TYW1B: variants seen among roughly 807,000 people sequenced by gnomAD.
TYW1B encodes the protein tRNA-yW synthesizing protein 1 homolog B.
In TYW1B, 73 loss-of-function variants were observed where a neutral mutation model predicts 86.9. The observed-to-expected ratio is 0.84, with a 90% CI of 0.70 to 1.02. The LOEUF is 1.02. Among genes scored for constraint, TYW1B ranks in the 50% least tolerant of loss-of-function variants. TYW1B has a pLI of 0.00. For missense variants in TYW1B, 637 were observed against 827.4 expected (o/e 0.77, Z 2.82); for synonymous variants, 248 against 292.8 (o/e 0.85, Z 1.56).
At position 72,828,076 on chromosome 7, in the gene TYW1B, C is replaced by T; in HGVS notation, c.-1G>A. Reference sequence around the variant, plus strand: ...TTGCCCGCCGAGTGCCCTTACCCATCCTCCTCAGAGCCGACAGGAGACTAG... The same window carrying T: ...TTGCCCGCCGAGTGCCCTTACCCATTCTCCTCAGAGCCGACAGGAGACTAG... On this transcript the variant is annotated 5_prime_UTR_variant, in exon 1 of 14. Coordinates refer to ENST00000620995, the MANE Select transcript of TYW1B (RefSeq NM_001145440.3). 1 of 1,614,000 alleles carries T rather than the reference C, an allele frequency of 6.2e-7. No homozygotes were observed. Among genetic ancestry groups the T allele is most frequent in the Middle Eastern group, 1.6e-4 (1 of 6,062 alleles).
intron 12 of TYW1B, among the ~76,000 whole-genome samples, chr7:72,628,404 T>C (rs1481638666): frequency 1.3e-5 from 2 of 152,220 alleles, no homozygotes; most frequent in Non-Finnish European, 2.9e-5. Context: ...TTTAAAATAA[T>C]CTGGGCTAAG....
intron 11 of TYW1B, among the ~76,000 whole-genome samples, chr7:72,661,028 G>A (rs1283603225): frequency 1.3e-5 from 2 of 150,440 alleles, no homozygotes; most frequent in Non-Finnish European, 3.0e-5. Flanking sequence ...CCAGCTATTC[G>A]GGAGGCTGAG....
intron 12 of TYW1B, among the ~76,000 whole-genome samples, chr7:72,617,616 C>T (rs1410308713): frequency 1.3e-5 from 2 of 152,208 alleles, no homozygotes; most frequent in East Asian, 1.9e-4. Context: ...ATCTACCTGC[C>T]CCGGCCTCCC....
At chr7:72,810,858 C>G (rs1312832816) in intron 3 of TYW1B, among the ~76,000 whole-genome samples, 193 bp from the exon 4 acceptor site, 6 of 152,018 alleles carry the variant, frequency 3.9e-5, no homozygotes, top group African/African-American at 1.4e-4. Flanking sequence ...AAAACCCAGT[C>G]CCTTGCTCCT....
rs185570192 is a variant in TYW1B at position 72,690,433 on chromosome 7, A to G, written c.1506+4254T>C. 4.7e-3 allele frequency among the ~76,000 whole-genome samples: 713 copies of G among 152,360 alleles called. 3 individuals carry two copies. The highest frequency in any genetic ancestry group is 7.2e-3 in the Non-Finnish European group (490 of 68,026). On this transcript the variant is annotated intron_variant, in intron 11 of 13. Transcript: ENST00000620995. ...CAAGTACCAATATATTTCTCTCCTC[A>G]TATTGAAAAGGAACATTTTGACAAA...
chr7:72,612,883 G>A (rs1267376132), intron 13 of TYW1B, among the ~76,000 whole-genome samples: 1 of 151,938 alleles, frequency 6.6e-6, no homozygotes, highest in Non-Finnish European at 1.5e-5. Context: ...CTAAGTAGCT[G>A]GGACTACAGG....
intron 7 of TYW1B, chr7:72,768,900 T>C (rs1787820483): frequency 2.9e-6 from 1 of 348,060 alleles, no homozygotes; most frequent in South Asian, 3.0e-5. Flanking sequence ...GGAAGACTAT[T>C]TGAATTTTGC....
intron 10 of TYW1B, among the ~76,000 whole-genome samples, chr7:72,703,041 T>TTGAGATGGAG (rs1814525854): frequency 1.4e-5 from 2 of 141,662 alleles, no homozygotes; most frequent in Non-Finnish European, 3.1e-5. Context: ...TTTTTTTTTT[T>TTGAGATGGAG]TGAGATGGAG....
chr7:72,796,579 T>C (rs1554474500), intron 6 of TYW1B, among the ~76,000 whole-genome samples: 2 of 150,390 alleles, frequency 1.3e-5, no homozygotes, highest in African/African-American at 4.8e-5. Context: ...TCTATTACGT[T>C]CATTAATCTT....
At chr7:72,825,001 G>A (rs1388132951) in intron 2 of TYW1B, among the ~76,000 whole-genome samples, 1 of 151,598 alleles carries the variant, frequency 6.6e-6, no homozygotes, top group Non-Finnish European at 1.5e-5. Context: ...TACTCAGGAG[G>A]CTGAGGTGGG....
At chr7:72,768,265 T>C (rs1787806283) in intron 7 of TYW1B, among the ~76,000 whole-genome samples, 1 of 151,362 alleles carries the variant, frequency 6.6e-6, no homozygotes, top group Non-Finnish European at 1.5e-5. Flanking sequence ...TTTTAAAAAA[T>C]GGCTTCTTCC....
intron 10 of TYW1B, among the ~76,000 whole-genome samples, chr7:72,697,608 C>A (rs1814353530): frequency 6.6e-6 from 1 of 152,106 alleles, no homozygotes; most frequent in Non-Finnish European, 1.5e-5. Context: ...TACAGGATAA[C>A]AAATGTTCCC....
rs1554479255 is a variant in TYW1B, at chr7:72,815,471, G to A, written c.146C>T (p.Thr49Ile). The change falls in exon 3 of 14, where the codon ACA (threonine) becomes ATA (isoleucine). Residue 49 changes from threonine to isoleucine, a missense_variant. Coordinates refer to ENST00000620995, the MANE Select transcript of TYW1B (RefSeq NM_001145440.3). ...GGACGTAACTGCTTCAGCAAGAACT[G>A]TTGCAAATCCCTAATAGGACAAAAA... is the stretch of plus-strand genomic sequence containing the variant. ...QIVIEMQGFA[T>I]VLAEAVTSLD... 1.2e-6 allele frequency: 2 copies of A among 1,607,100 alleles called. No homozygotes were observed. The highest frequency in any genetic ancestry group is 3.4e-5 in the Admixed American group (2 of 58,046).
At chr7:72,799,217 G>T (rs1454624567) in intron 6 of TYW1B, among the ~76,000 whole-genome samples, 3 of 143,594 alleles carry the variant, frequency 2.1e-5, no homozygotes, top group Non-Finnish European at 4.5e-5. Flanking sequence ...TGAATGCAGC[G>T]GCATGATCTC....
intron 9 of TYW1B, among the ~76,000 whole-genome samples, chr7:72,728,210 C>A (rs1554459111): frequency 6.6e-6 from 1 of 152,126 alleles, no homozygotes; most frequent in Admixed American, 6.6e-5. Flanking sequence ...CTCAACGAGA[C>A]AGAACAATAG....
At chr7:72,796,842 C>A (rs1312952946) in intron 6 of TYW1B, among the ~76,000 whole-genome samples, 1 of 151,280 alleles carries the variant, frequency 6.6e-6, no homozygotes, top group Non-Finnish European at 1.5e-5. Context: ...AAGAATATAT[C>A]TGGGCCAGTC....
intron 1 of TYW1B, among the ~76,000 whole-genome samples, 152 bp downstream of exon 1, chr7:72,827,920 C>G (rs1255122829): frequency 6.6e-6 from 1 of 152,244 alleles, no homozygotes; most frequent in Non-Finnish European, 1.5e-5. Context: ...GGGATCGGTC[C>G]TCCTTGCTCT....
chr7:72,673,539 G>A (rs1464057099), intron 11 of TYW1B, among the ~76,000 whole-genome samples: 3 of 152,116 alleles, frequency 2.0e-5, no homozygotes, highest in East Asian at 3.9e-4. Context: ...TTGTGGGATC[G>A]AAAAATCAAA....
rs545152655 is a variant in TYW1B at position 72,725,119 on chromosome 7, C to T, written c.1192+3703G>A. On this transcript the variant is annotated intron_variant, in intron 9 of 13. Transcript: ENST00000620995. Reference sequence around the variant, plus strand: ...CCCAGCAGACAATGAAAAACACGTGCTCACGGAACTCACCTAACACATTTT... The same window carrying T: ...CCCAGCAGACAATGAAAAACACGTGTTCACGGAACTCACCTAACACATTTT... Among the ~76,000 whole-genome samples the T allele has an allele frequency of 6.6e-5, 10 of 152,298 alleles. No homozygotes were observed. The South Asian group carries it at 1.7e-3, about 25-fold the overall frequency.
Sources: allele counts gnomAD v4.1 joint callset (sites outside exome capture counted in the v4.1 genomes callset), GRCh38; gene constraint gnomAD v4.1.1; transcripts MANE v1.5; gene names NCBI Gene and HGNC (gene_info 2026-07-23, HGNC 2026-07-21).